Variants in PLXNA4 observed in about 807,000 individuals in gnomAD.
The protein encoded by PLXNA4 is plexin-A4.
PLXNA4 carries 44 observed loss-of-function variants against 191.8 expected under a neutral mutation model. The ratio of observed to expected loss-of-function variants is 0.23; its 90% confidence interval spans 0.18 to 0.29. The LOEUF (loss-of-function observed/expected upper bound fraction) is 0.29, where lower values mean the gene tolerates loss of function less well. Among genes scored for constraint, PLXNA4 ranks in the 10% least tolerant of loss-of-function variants. PLXNA4 has a pLI of 1.00. For missense variants in PLXNA4, 1,800 were observed against 2,488.8 expected (o/e 0.72, Z 5.89); for synonymous variants, 1,082 against 1,009.5 (o/e 1.07, Z -1.36).
chr7:132,470,728 G>T (rs998762490), intron 3 of PLXNA4, among the ~76,000 whole-genome samples: 5 of 152,140 alleles, frequency 3.3e-5, no homozygotes, highest in African/African-American at 1.2e-4. Flanking sequence ...ATGAAAGAAA[G>T]GCCAAAAACA....
chr7:132,133,272 A>G (rs1795021300), intron 30 of PLXNA4, 73 bp from the exon 31 acceptor site: 2 of 1,566,238 alleles, frequency 1.3e-6, no homozygotes, highest in Non-Finnish European at 1.7e-6. Context: ...TGCTCCCAGC[A>G]CCGTGTCTGG....
intron 1 of PLXNA4, among the ~76,000 whole-genome samples, chr7:132,519,688 C>T (rs1799096173): frequency 6.6e-6 from 1 of 152,198 alleles, no homozygotes; most frequent in African/African-American, 2.4e-5. Context: ...AAATGAGCTC[C>T]TTGCTCTCCT....
At chr7:132,260,919 T>C (rs540943690) in intron 4 of PLXNA4, among the ~76,000 whole-genome samples, 50 of 152,258 alleles carry the variant, frequency 3.3e-4, no homozygotes, top group Admixed American at 2.5e-3. Flanking sequence ...TCATTGATTG[T>C]AACAAAGGGA....
intron 3 of PLXNA4, among the ~76,000 whole-genome samples, chr7:132,357,775 G>A (rs1468681690): frequency 6.6e-6 from 1 of 152,322 alleles, no homozygotes; most frequent in South Asian, 2.1e-4. Context: ...AGACTCTTCA[G>A]GGGATTTTAC....
intron 30 of PLXNA4, among the ~76,000 whole-genome samples, chr7:132,138,840 C>T (rs973698017): frequency 2.0e-5 from 3 of 152,238 alleles, no homozygotes; most frequent in Non-Finnish European, 4.4e-5. Flanking sequence ...ACTATGCAGC[C>T]TGTTCCTGGG....
At chr7:132,541,283 C>T (rs181447891) in intron 1 of PLXNA4, among the ~76,000 whole-genome samples, 1 of 152,314 alleles carries the variant, frequency 6.6e-6, no homozygotes, top group African/African-American at 2.4e-5. Flanking sequence ...ATAAGAGTAG[C>T]AACTGACTGT....
At chr7:132,538,513 G>T (rs1799942487) in intron 1 of PLXNA4, among the ~76,000 whole-genome samples, 1 of 152,232 alleles carries the variant, frequency 6.6e-6, no homozygotes, top group African/African-American at 2.4e-5. Flanking sequence ...ACCTAAGGCT[G>T]CCCTGGACTC....
At chr7:132,536,794 C>G (rs1215218102) in intron 1 of PLXNA4, among the ~76,000 whole-genome samples, 2 of 152,198 alleles carry the variant, frequency 1.3e-5, no homozygotes, top group Non-Finnish European at 1.5e-5. Flanking sequence ...CTGCCCTAAA[C>G]GTATGGCTGA....
chr7:132,483,067 A>G (rs1227256440), intron 3 of PLXNA4, among the ~76,000 whole-genome samples: 1 of 152,168 alleles, frequency 6.6e-6, no homozygotes. Context: ...GCACCATGAC[A>G]TCATCAATAA....
intron 3 of PLXNA4, among the ~76,000 whole-genome samples, chr7:132,359,034 G>A (rs1261880142): frequency 6.6e-6 from 1 of 152,128 alleles, no homozygotes; most frequent in African/African-American, 2.4e-5. Flanking sequence ...CAGACCAATG[G>A]CTTGACTAGT....
chr7:132,620,418 AT>A (rs1199328446), intron 2 of PLXNA4, among the ~76,000 whole-genome samples: 49 of 152,290 alleles, frequency 3.2e-4, no homozygotes, highest in African/African-American at 1.1e-3. Context: ...TTTTAAATTT[AT>A]TTTATATAAC....
intron 10 of PLXNA4, among the ~76,000 whole-genome samples, chr7:132,206,919 T>G (rs1203952241): frequency 2.0e-5 from 3 of 152,184 alleles, no homozygotes; most frequent in African/African-American, 7.2e-5. Context: ...GCCGGGAGGT[T>G]AAGTGTCTCA....
intron 30 of PLXNA4, among the ~76,000 whole-genome samples, chr7:132,135,645 A>T (rs1795089769): frequency 6.6e-6 from 1 of 152,220 alleles, no homozygotes; most frequent in African/African-American, 2.4e-5. Context: ...ATTTCTCCAA[A>T]GAGAATATCT....
chr7:132,563,980 CT>C (rs1801560089), intron 1 of PLXNA4, among the ~76,000 whole-genome samples: 2 of 38,736 alleles, frequency 5.2e-5, no homozygotes, highest in Non-Finnish European at 1.6e-4. Flanking sequence ...CCTCCTCCTC[CT>C]TCTCCTCCTC....
intron 2 of PLXNA4, among the ~76,000 whole-genome samples, chr7:132,630,169 G>T (rs1803464677): frequency 6.6e-6 from 1 of 152,038 alleles, no homozygotes; most frequent in South Asian, 2.1e-4. Context: ...TTCTTATAAG[G>T]CCAGTAATCC....
intron 3 of PLXNA4, among the ~76,000 whole-genome samples, chr7:132,317,588 T>G (rs1281685696): frequency 6.6e-6 from 1 of 152,186 alleles, no homozygotes; most frequent in Non-Finnish European, 1.5e-5. Flanking sequence ...TTGGTTGACT[T>G]GAGTTGGACT....
intron 8 of PLXNA4, among the ~76,000 whole-genome samples, chr7:132,223,909 A>G (rs1381950392): frequency 6.6e-6 from 1 of 152,106 alleles, no homozygotes; most frequent in African/African-American, 2.4e-5. Context: ...TCCATGGGAT[A>G]ACATCCTCCT....
chr7:132,354,960 G>T (rs1316466611), intron 3 of PLXNA4, among the ~76,000 whole-genome samples: 1 of 152,212 alleles, frequency 6.6e-6, no homozygotes, highest in Non-Finnish European at 1.5e-5. Context: ...TTTTAGGGGT[G>T]TTCAGGATCC....
rs143477611 is a variant in PLXNA4, at chr7:132,497,176, C to T, written c.1189-7702G>A. On this transcript the variant is annotated intron_variant, in intron 2 of 31. Coordinates refer to ENST00000321063, the MANE Select transcript of PLXNA4 (RefSeq NM_020911.2). Reference sequence around the variant, plus strand: ...TATCCTGGTTGCTGACCATAGCACACCTCCACTGGAAATGGGGAATCAGTG... The same window carrying T: ...TATCCTGGTTGCTGACCATAGCACATCTCCACTGGAAATGGGGAATCAGTG... Among the ~76,000 whole-genome samples, 4 of 152,210 alleles carry T rather than the reference C, an allele frequency of 2.6e-5. No homozygotes were observed. In the East Asian group the frequency reaches 7.7e-4, roughly 29 times the overall value.
Sources: allele counts gnomAD v4.1 joint callset (sites outside exome capture counted in the v4.1 genomes callset), GRCh38; gene constraint gnomAD v4.1.1; transcripts MANE v1.5; gene names NCBI Gene and HGNC (gene_info 2026-07-23, HGNC 2026-07-21).